Variants in FBN2 observed in about 807,000 individuals in gnomAD.
FBN2 encodes fibrillin 2.
Under a neutral mutation model 355.6 loss-of-function variants are expected in FBN2, and 105 were observed. That is an observed-to-expected ratio of 0.30 (90% CI 0.25 to 0.35). The LOEUF (loss-of-function observed/expected upper bound fraction) is 0.35, where lower values mean the gene tolerates loss of function less well. FBN2 is among the 10% of genes least tolerant of loss of function. The pLI is 1.00. For synonymous variants in FBN2, 1,350 were observed against 1,301.2 expected (o/e 1.04, Z -0.81); for missense variants, 3,280 against 3,758.7 (o/e 0.87, Z 3.33).
chr5:128,298,437 A>T (rs1297260474), intron 48 of FBN2, among the ~76,000 whole-genome samples: 2 of 152,136 alleles, frequency 1.3e-5, no homozygotes, highest in Admixed American at 1.3e-4. Flanking sequence ...AGTGTTTTCC[A>T]ACTTGGTTCC....
chr5:128,268,688 G>A (rs990031685), intron 62 of FBN2, among the ~76,000 whole-genome samples: 1 of 152,100 alleles, frequency 6.6e-6, no homozygotes, highest in Admixed American at 6.5e-5. Context: ...TGATAAAGTC[G>A]GCTTCATCCC....
intron 34 of FBN2, among the ~76,000 whole-genome samples, chr5:128,321,531 G>T (rs954901392): frequency 3.3e-5 from 5 of 152,150 alleles, no homozygotes; most frequent in African/African-American, 1.2e-4. Flanking sequence ...CTATGAGTGA[G>T]AACATGCAGT....
At chr5:128,262,142 C>G (rs902516715) in intron 63 of FBN2, among the ~76,000 whole-genome samples, 3 of 152,226 alleles carry the variant, frequency 2.0e-5, no homozygotes, top group Non-Finnish European at 2.9e-5. Context: ...CCTCAAACTT[C>G]TGGGCTCAAG....
In FBN2 at chr5:128,311,531, C is replaced by A. The variant is rs146616971; in HGVS notation, c.4949-106G>T. On this transcript the variant is annotated intron_variant, in intron 38 of 64. Coordinates refer to ENST00000262464, the MANE Select transcript of FBN2 (RefSeq NM_001999.4). ...ATCTTGTAAGAATCAGATTTCTATG[C>A]ATCCAAATGAACGCACACTTAGATG... The A allele has an allele frequency of 2.7e-4, 336 of 1,222,490 alleles. 1 individual carries two copies. The African/African-American group carries it at 2.9e-3, about 11-fold the overall frequency. The allele number at this position is 1,222,490 out of a possible 1,614,324, so 75.7% of individuals were successfully genotyped here.
intron 7 of FBN2, among the ~76,000 whole-genome samples, chr5:128,428,875 T>G (rs917643356): frequency 3.3e-5 from 5 of 152,142 alleles, no homozygotes; most frequent in Non-Finnish European, 5.9e-5. Flanking sequence ...TTGAGAATCC[T>G]CCTAATCCTA....
At chr5:128,465,158 A>G (rs1474377285) in intron 5 of FBN2, among the ~76,000 whole-genome samples, 1 of 152,216 alleles carries the variant, frequency 6.6e-6, no homozygotes, top group Non-Finnish European at 1.5e-5. Flanking sequence ...TGTGTCTGGG[A>G]TACAGATGTG....
chr5:128,408,893 T>A, intron 7 of FBN2, 94 bp from the exon 8 acceptor site: 1 of 1,374,316 alleles, frequency 7.3e-7, no homozygotes, highest in Non-Finnish European at 1.0e-6. Context: ...AGAGCATTCA[T>A]GGTTGATTAG....
chr5:128,335,237 A>C lies in FBN2; in HGVS notation c.3906T>G (p.Ile1302Met). The C allele has an allele frequency of 6.2e-7, 1 of 1,614,162 alleles. No individual in the cohort carries two copies. The highest frequency in any genetic ancestry group is 8.5e-7 in the Non-Finnish European group (1 of 1,180,002). Residue 1302 changes from isoleucine (I) to methionine (M), a missense_variant, in exon 30 of 65, where the codon ATT (isoleucine) becomes ATG (methionine). This residue lies in a region of FBN2 where 2,284 missense variants were observed against 2,749.5 expected (regional missense o/e 0.83). Transcript: ENST00000262464. ...DICDGGQCTNIPGEYRCLCYD... is the reference protein window; with the variant it reads ...DICDGGQCTNMPGEYRCLCYD... Reference sequence around the variant, plus strand: ...AGCAGAGGCAGCGATACTCTCCAGGAATGTTGGTACACTGGCCGCCATCAC... The same window carrying C: ...AGCAGAGGCAGCGATACTCTCCAGGCATGTTGGTACACTGGCCGCCATCAC...
At chr5:128,460,257 T>C (rs1400161534) in intron 6 of FBN2, among the ~76,000 whole-genome samples, 1 of 152,046 alleles carries the variant, frequency 6.6e-6, no homozygotes, top group Non-Finnish European at 1.5e-5. Flanking sequence ...CCATTCACAA[T>C]TGCTACAAAG....
At chr5:128,280,384 A>G in intron 55 of FBN2, 67 bp from the exon 56 acceptor site, 8 of 1,236,454 alleles carry the variant, frequency 6.5e-6, no homozygotes, top group Non-Finnish European at 8.3e-6. Flanking sequence ...GCTATCTTCT[A>G]ATGGGTTATA....
intron 26 of FBN2, 94 bp from the exon 27 acceptor site, chr5:128,338,216 G>C (rs1164069697): frequency 3.3e-6 from 4 of 1,207,484 alleles, no homozygotes; most frequent in Non-Finnish European, 4.8e-6. Context: ...TGATGTGAGA[G>C]TGTGAGTTAG....
intron 2 of FBN2, among the ~76,000 whole-genome samples, chr5:128,534,648 A>C (rs1009357594): frequency 6.6e-6 from 1 of 152,216 alleles, no homozygotes; most frequent in African/African-American, 2.4e-5. Flanking sequence ...TTCAAGTCTC[A>C]GAAATGCAGA....
chr5:128,286,541 A>G (rs374913925), intron 55 of FBN2, among the ~76,000 whole-genome samples, 177 bp downstream of exon 55: 10 of 152,386 alleles, frequency 6.6e-5, no homozygotes, highest in South Asian at 6.2e-4. Context: ...TAAATGCCAC[A>G]ATCCAGAACC....
chr5:128,452,991 T>A (rs988216264), intron 6 of FBN2, among the ~76,000 whole-genome samples: 2 of 152,300 alleles, frequency 1.3e-5, no homozygotes, highest in East Asian at 3.9e-4. Context: ...TTTATTCCTA[T>A]GAAAACAAAT....
chr5:128,355,997 C>T (rs1424426856), intron 20 of FBN2, among the ~76,000 whole-genome samples: 3 of 152,152 alleles, frequency 2.0e-5, no homozygotes, highest in Admixed American at 2.0e-4. Context: ...AAGTGGCATG[C>T]AGATTTAGTT....
rs1409482309 is a variant in FBN2 at position 128,310,124 on chromosome 5, ATATC to A, written c.5075-20_5075-17del. The A allele has an allele frequency of 3.8e-6, 6 of 1,595,720 alleles. No individual in the cohort carries two copies. Among genetic ancestry groups the A allele is most frequent in the Non-Finnish European group, 3.4e-6 (4 of 1,164,248 alleles). On this transcript the variant is annotated splice_polypyrimidine_tract_variant and intron_variant, in intron 39 of 64. Coordinates refer to ENST00000262464, the MANE Select transcript of FBN2 (RefSeq NM_001999.4). ...TCATCAATATCTAGAGTAGGCAAGA[ATATC>A]TATTAATTAATAAATCTATTTTTTC...
intron 8 of FBN2, among the ~76,000 whole-genome samples, chr5:128,407,750 T>C (rs1752967268): frequency 6.6e-6 from 1 of 152,176 alleles, no homozygotes; most frequent in Admixed American, 6.5e-5. Flanking sequence ...CTAGCTTACA[T>C]CCTTGACTCT....
intron 25 of FBN2, among the ~76,000 whole-genome samples, chr5:128,340,430 TAAAC>T (rs2126906086): frequency 6.6e-6 from 1 of 152,358 alleles, no homozygotes; most frequent in East Asian, 1.9e-4. Flanking sequence ...TACTTTCTTT[TAAAC>T]AAACATATTA....
At chr5:128,325,506 G>A (rs190273605) in intron 34 of FBN2, among the ~76,000 whole-genome samples, 2 of 152,202 alleles carry the variant, frequency 1.3e-5, no homozygotes, top group East Asian at 3.9e-4. Context: ...GTGTGTCTTT[G>A]CACGTGAGAT....
Sources: gnomAD v4.1 joint callset for allele counts (sites outside exome capture counted in the v4.1 genomes callset) on GRCh38, gnomAD v4.1.1 for gene constraint, gnomAD v4.1.1 regional missense constraint, MANE v1.5 for transcripts, NCBI Gene and HGNC (gene_info 2026-07-23, HGNC 2026-07-21) for gene names.